PLEKHG7: variants seen among roughly 807,000 people sequenced by gnomAD.
PLEKHG7 encodes pleckstrin homology domain-containing family G member 7.
PLEKHG7 carries 77 observed loss-of-function variants against 85.2 expected under a neutral mutation model. That is an observed-to-expected ratio of 0.90 (90% CI 0.75 to 1.09). PLEKHG7 has a LOEUF of 1.09. Among genes scored for constraint, PLEKHG7 ranks in the 50% least tolerant of loss-of-function variants. The pLI is 0.00. For missense variants in PLEKHG7, 777 were observed against 804.3 expected (o/e 0.97, Z 0.41); for synonymous variants, 301 against 302.4 (o/e 1.00, Z 0.05).
intron 3 of PLEKHG7, among the ~76,000 whole-genome samples, chr12:92,719,233 CT>C (rs1344149089): frequency 1.3e-5 from 2 of 152,196 alleles, no homozygotes; most frequent in Admixed American, 6.5e-5. Flanking sequence ...TGTCATTTCT[CT>C]TTTGATTATT....
At chr12:92,744,916 C>T (rs1872484710) in intron 9 of PLEKHG7, among the ~76,000 whole-genome samples, 1 of 152,156 alleles carries the variant, frequency 6.6e-6, no homozygotes, top group Non-Finnish European at 1.5e-5. Context: ...AATCCGCCTG[C>T]CTCACCTCTT....
At position 92,736,534 on chromosome 12, in the gene PLEKHG7, T is replaced by A. The variant is rs1872155389; in HGVS notation, c.752T>A (p.Val251Glu). The A allele has an allele frequency of 4.9e-6, 6 of 1,231,830 alleles. No homozygotes were observed. Among genetic ancestry groups the A allele is most frequent in the Admixed American group, 4.2e-5 (1 of 23,710 alleles). The allele number at this position is 1,231,830 out of a possible 1,614,324, so 76.3% of individuals were successfully genotyped here. ...GATCTGGAAAACTGCCTGTCCTCTG[T>A]GAAAATTACCAGCTTCAGGGGCTAT... ...ISDLENCLSS[V>E]KITSFRGYDF... The change falls in exon 6 of 17, where the codon GTG becomes GAG. Residue 251 changes from valine to glutamate, a missense_variant. By Grantham distance (121) the Val-to-Glu change is moderately radical. Around this residue, in one of 3 missense-constraint regions of PLEKHG7, gnomAD observed 520 missense variants for 544.0 expected, o/e 0.96. Transcript: ENST00000344636.
chr12:92,706,664 G>T lies in PLEKHG7; in HGVS notation c.33G>T (p.Val11=). 6.2e-7 allele frequency: 1 copy of T among 1,613,760 alleles called. No homozygotes were observed. Among genetic ancestry groups the T allele is most frequent in the South Asian group, 1.1e-5 (1 of 91,028 alleles). MEKTESFCPE[V]PPQDCGASPR... ...AAACAGAGTCATTCTGTCCAGAGGTGCCACCCCAAGACTGTGGAGCCTCTC... is the reference window on the plus strand; with the variant it reads ...AAACAGAGTCATTCTGTCCAGAGGTTCCACCCCAAGACTGTGGAGCCTCTC... Residue 11 remains valine (V), a synonymous_variant, in exon 2 of 17, where the codon GTG becomes GTT. Transcript: ENST00000344636.
At chr12:92,715,197 A>G (rs981194659) in intron 3 of PLEKHG7, among the ~76,000 whole-genome samples, 9 of 152,178 alleles carry the variant, frequency 5.9e-5, no homozygotes, top group Admixed American at 4.6e-4. Flanking sequence ...GAGGGCAGGA[A>G]GCATCCAGCA....
chr12:92,768,156 G>A (rs992956500), intron 15 of PLEKHG7, among the ~76,000 whole-genome samples: 7 of 151,364 alleles, frequency 4.6e-5, no homozygotes, highest in Admixed American at 4.6e-4. Flanking sequence ...ACAGTGAGCC[G>A]AGATCCCGCC....
chr12:92,707,804 C>A, intron 3 of PLEKHG7, 132 bp downstream of exon 3: 1 of 1,472,030 alleles, frequency 6.8e-7, no homozygotes, highest in Non-Finnish European at 9.3e-7. Flanking sequence ...GCACTCAAGT[C>A]ACTCTTCGCA....
At position 92,764,146 on chromosome 12, in the gene PLEKHG7, C is replaced by A. The variant is rs1351049410; in HGVS notation, c.1822C>A (p.Pro608Thr). The change falls in exon 15 of 17, where the codon CCA becomes ACA. Residue 608 changes from proline (P) to threonine (T), a missense_variant. By Grantham distance (38) the Pro-to-Thr change is conservative. Around this residue, in one of 3 missense-constraint regions of PLEKHG7, gnomAD observed 520 missense variants for 544.0 expected, o/e 0.96. Coordinates refer to ENST00000344636, the MANE Select transcript of PLEKHG7 (RefSeq NM_001377329.1). ...GSCTVLDQPI[P>T]LDRLVVKSIE... ...GTGTACAGTACTCGATCAGCCTATT[C>A]CACTAGATAGATTGGTAGTCAAAAG... The A allele has an allele frequency of 1.2e-6, 2 of 1,609,396 alleles. No individual in the cohort carries two copies. Among genetic ancestry groups the A allele is most frequent in the Admixed American group, 1.7e-5 (1 of 59,608 alleles).
At chr12:92,743,623 G>A (rs531522085) in intron 9 of PLEKHG7, among the ~76,000 whole-genome samples, 2 of 152,218 alleles carry the variant, frequency 1.3e-5, no homozygotes, top group East Asian at 1.9e-4. Context: ...GCGGTGGCAC[G>A]ATCTCAGCTC....
intron 3 of PLEKHG7, among the ~76,000 whole-genome samples, chr12:92,721,788 A>T (rs1871655621): frequency 6.8e-6 from 1 of 147,780 alleles, no homozygotes; most frequent in Non-Finnish European, 1.5e-5. Flanking sequence ...GGTGGCATGG[A>T]GTTATACTGT....
Position 92,770,962 on chromosome 12 carries a change from G to C in PLEKHG7, c.*767G>C, listed in dbSNP as rs1409851721. On this transcript the variant is annotated 3_prime_UTR_variant, in exon 17 of 17. Coordinates refer to ENST00000344636, the MANE Select transcript of PLEKHG7 (RefSeq NM_001377329.1). Reference sequence around the variant, plus strand: ...TAACTTTATTTTTTGAAGAATGATGGTGTTTGCCATAAAAATACTTTCTGG... The same window carrying C: ...TAACTTTATTTTTTGAAGAATGATGCTGTTTGCCATAAAAATACTTTCTGG... 1.3e-5 allele frequency: 2 copies of C among 151,206 alleles called. No individual in the cohort carries two copies. Among genetic ancestry groups the C allele is most frequent in the Non-Finnish European group, 2.9e-5 (2 of 67,824 alleles). The allele number at this position is 151,206 out of a possible 1,614,324, so 9.4% of individuals were successfully genotyped here.
chr12:92,719,969 C>T (rs1473111277), intron 3 of PLEKHG7, among the ~76,000 whole-genome samples: 6 of 152,180 alleles, frequency 3.9e-5, no homozygotes, highest in African/African-American at 7.2e-5. Context: ...CATAAGGAAA[C>T]GGTGGCCCGG....
At chr12:92,748,114 C>T (rs1872586311) in intron 10 of PLEKHG7, among the ~76,000 whole-genome samples, 2 of 152,180 alleles carry the variant, frequency 1.3e-5, no homozygotes, top group Admixed American at 1.3e-4. Flanking sequence ...TTCATCATTA[C>T]ACATTGTACA....
Position 92,706,900 on chromosome 12 carries a change from G to A in PLEKHG7, c.269G>A (p.Gly90Glu). The stretch of plus-strand genomic sequence containing the variant: ...TGTTACCTTTCGAAGAGCCTGCCAG[G>A]AAGCCCAAAGGATTCTTCACACTTG... ...FPCYLSKSLP[G>E]SPKDSSHLLS... is the part of the protein sequence containing the mutation. The change falls in exon 2 of 17, where the codon GGA becomes GAA. Residue 90 changes from glycine (G) to glutamate (E), a missense_variant. Gly to Glu is a moderately conservative substitution (Grantham distance 98). Transcript: ENST00000344636. 6.2e-7 allele frequency: 1 copy of A among 1,614,094 alleles called. No homozygotes were observed.
In PLEKHG7 at chr12:92,770,252, A is replaced by T; in HGVS notation, c.*57A>T. 1 of 1,305,580 alleles carries T rather than the reference A, an allele frequency of 7.7e-7. No individual in the cohort carries two copies. The highest frequency in any genetic ancestry group is 1.5e-5 in the African/African-American group (1 of 66,014). 80.9% of individuals were successfully genotyped at this position (1,305,580 alleles called of 1,614,324 possible). ...AGATTATGGTTTAAGGTATAATTTCATTCAAAGTTTTGTAACACTTAGCTA... is the reference window on the plus strand; with the variant it reads ...AGATTATGGTTTAAGGTATAATTTCTTTCAAAGTTTTGTAACACTTAGCTA... On this transcript the variant is annotated 3_prime_UTR_variant, in exon 17 of 17. Transcript: ENST00000344636.
rs1397512467 is a variant in PLEKHG7, at chr12:92,741,454, G to T, written c.1036-37G>T. Reference sequence around the variant, plus strand: ...AAATGTTTATTCCTTAACCCTGGGTGTGTGCCTATTTTTGTTTTCTTTCTC... The same window carrying T: ...AAATGTTTATTCCTTAACCCTGGGTTTGTGCCTATTTTTGTTTTCTTTCTC... On this transcript the variant is annotated intron_variant, in intron 8 of 16. Coordinates refer to ENST00000344636, the MANE Select transcript of PLEKHG7 (RefSeq NM_001377329.1). The T allele has an allele frequency of 2.2e-6, 3 of 1,373,668 alleles. No individual in the cohort carries two copies. The South Asian group carries it at 3.7e-5, about 17-fold the overall frequency. The allele number at this position is 1,373,668 out of a possible 1,614,324, so 85.1% of individuals were successfully genotyped here.
chr12:92,760,540 A>G (rs1872957214), intron 13 of PLEKHG7, among the ~76,000 whole-genome samples: 1 of 152,136 alleles, frequency 6.6e-6, no homozygotes, highest in African/African-American at 2.4e-5. Flanking sequence ...TAATCTAAAT[A>G]GAACAAGCTG....
At chr12:92,713,890 T>C (rs756988253) in intron 3 of PLEKHG7, among the ~76,000 whole-genome samples, 12 of 152,304 alleles carry the variant, frequency 7.9e-5, no homozygotes, top group Middle Eastern at 6.8e-3. Context: ...AGACATTAAA[T>C]GCAGAGTCCC....
chr12:92,738,304 C>G (rs1872240860), intron 7 of PLEKHG7, among the ~76,000 whole-genome samples: 1 of 151,498 alleles, frequency 6.6e-6, no homozygotes, highest in Non-Finnish European at 1.5e-5. Flanking sequence ...CTCCCAGGAC[C>G]ACAGGGGAGG....
chr12:92,732,960 C>T (rs1872034867), intron 5 of PLEKHG7, among the ~76,000 whole-genome samples: 1 of 152,180 alleles, frequency 6.6e-6, no homozygotes, highest in South Asian at 2.1e-4. Flanking sequence ...ATTACTTACA[C>T]ACCACGACCA....
Sources: gnomAD v4.1 joint callset for allele counts (sites outside exome capture counted in the v4.1 genomes callset) on GRCh38, gnomAD v4.1.1 for gene constraint, gnomAD v4.1.1 regional missense constraint, MANE v1.5 for transcripts, NCBI Gene and HGNC (gene_info 2026-07-23, HGNC 2026-07-21) for gene names.